The following LASP1 variants were observed in gnomAD, a reference collection of about 807,000 sequenced individuals.
LASP1 encodes the protein LIM and SH3 protein 1, also known as LIM and SH3 domain protein 1.
Under a neutral mutation model 38.6 loss-of-function variants are expected in LASP1, and 10 were observed. That is an observed-to-expected ratio of 0.26 (90% CI 0.16 to 0.44). The LOEUF is 0.44. Among genes scored for constraint, LASP1 ranks in the 20% least tolerant of loss-of-function variants. LASP1 has a pLI of 1.00. For missense variants in LASP1, 243 were observed against 375.7 expected, an observed-to-expected ratio of 0.65 and a Z score of 2.92; for synonymous variants, 132 against 140.8, an observed-to-expected ratio of 0.94 and a Z score of 0.44.
At chr17:38,888,329 A>T (rs1200642832) in intron 2 of LASP1, among the ~76,000 whole-genome samples, 1 of 151,482 alleles carries the variant, frequency 6.6e-6, no homozygotes, top group Non-Finnish European at 1.5e-5. Flanking sequence ...CCCAGACTAG[A>T]GTACAGTGGC....
chr17:38,870,347 T>A (rs1171576998), intron 1 of LASP1, 89 bp downstream of exon 1: 1 of 1,420,884 alleles, frequency 7.0e-7, no homozygotes, highest in African/African-American at 1.4e-5. Context: ...TTTGCCGCCT[T>A]ATCCCCGCGA....
chr17:38,889,200 G>T (rs1355421321), intron 2 of LASP1, among the ~76,000 whole-genome samples: 2 of 152,058 alleles, frequency 1.3e-5, no homozygotes, highest in Admixed American at 1.3e-4. Context: ...GCAGGATCTT[G>T]GCTCAGTGCA....
intron 1 of LASP1, chr17:38,874,223 G>A (rs1325286126): frequency 6.6e-6 from 1 of 152,448 alleles, no homozygotes; most frequent in Non-Finnish European, 1.5e-5. Context: ...CTGAGGCCCA[G>A]GAATGCTTCG....
rs762918588 is a variant in LASP1 at position 38,914,395 on chromosome 17, G to A, written c.428G>A (p.Arg143His). The A allele has an allele frequency of 7.4e-6, 12 of 1,612,018 alleles. No individual in the cohort carries two copies. The highest frequency in any genetic ancestry group is 2.2e-4 in the Middle Eastern group (1 of 4,638). ...GGGGGCGAGGGCATGGAGCCAGAGC[G>A]TCGGGATTCACAGGACGGCAGCAGC... ...PSGGEGMEPE[R>H]RDSQDGSSYR... The change falls in exon 5 of 7, where the codon CGT becomes CAT. Residue 143 changes from arginine to histidine, a missense_variant. Arg to His is a conservative substitution (Grantham distance 29). This residue lies in a region of LASP1 where 165 missense variants were observed against 210.3 expected (regional missense o/e 0.78). Transcript: ENST00000318008.
chr17:38,904,598 TAA>T (rs58725693), intron 4 of LASP1: 5 of 129,592 alleles, frequency 3.9e-5, no homozygotes, highest in African/African-American at 6.0e-5. Context: ...GTCTCAAAAA[TAA>T]AAAAAAAAAA....
At chr17:38,885,374 A>G (rs1914088619) in intron 2 of LASP1, among the ~76,000 whole-genome samples, 1 of 152,168 alleles carries the variant, frequency 6.6e-6, no homozygotes. Context: ...GTCTCTGTAA[A>G]TTGTCCTGAA....
chr17:38,876,176 CT>C (rs899457098), intron 1 of LASP1, among the ~76,000 whole-genome samples: 1,823 of 127,610 alleles, frequency 0.014, 20 homozygotes, highest in African/African-American at 0.052. Context: ...GATCGTTTCT[CT>C]TTTTTTTTTT....
At chr17:38,887,673 G>C (rs988363114) in intron 2 of LASP1, among the ~76,000 whole-genome samples, 4 of 152,148 alleles carry the variant, frequency 2.6e-5, no homozygotes, top group African/African-American at 9.7e-5. Flanking sequence ...ATCTGGATCC[G>C]GGACAGTGAA....
intron 4 of LASP1, among the ~76,000 whole-genome samples, chr17:38,901,432 A>G (rs1914638726): frequency 6.6e-6 from 1 of 152,230 alleles, no homozygotes; most frequent in Admixed American, 6.5e-5. Context: ...CAGCTTTAGC[A>G]GAGACCTGTA....
At chr17:38,890,255 TC>T in intron 2 of LASP1, 164 bp from the exon 3 acceptor site, 1 of 608,298 alleles carries the variant, frequency 1.6e-6, no homozygotes, top group Non-Finnish European at 2.9e-6. Context: ...GAAACGCTTG[TC>T]TCCCCTCGGC....
At chr17:38,903,050 A>T (rs999170070) in intron 4 of LASP1, among the ~76,000 whole-genome samples, 2 of 152,110 alleles carry the variant, frequency 1.3e-5, no homozygotes, top group Admixed American at 6.5e-5. Context: ...AAGAATGAGG[A>T]TATGCTTCCT....
Position 38,898,444 on chromosome 17 carries a change from G to A in LASP1, c.282G>A (p.Lys94=), listed in dbSNP as rs1173511498. 1 of 1,551,542 alleles carries A rather than the reference G, an allele frequency of 6.4e-7. No individual in the cohort carries two copies. Among genetic ancestry groups the A allele is most frequent in the Non-Finnish European group, 8.7e-7 (1 of 1,146,852 alleles). Residue 94 remains lysine (K), a synonymous_variant, in exon 4 of 7, where the codon AAG becomes AAA. Coordinates refer to ENST00000318008, the MANE Select transcript of LASP1 (RefSeq NM_006148.4). The part of the protein sequence containing the change: ...VRYKEEFEKN[K]GKGFSVVADT... Reference sequence around the variant, plus strand: ...ACAAGGAGGAGTTTGAGAAGAACAAGGGCAAAGGTTTCAGCGTAGTGGCAG... The same window carrying A: ...ACAAGGAGGAGTTTGAGAAGAACAAAGGCAAAGGTTTCAGCGTAGTGGCAG...
intron 3 of LASP1, among the ~76,000 whole-genome samples, chr17:38,892,206 A>G (rs1018852980): frequency 6.6e-6 from 1 of 152,180 alleles, no homozygotes; most frequent in Non-Finnish European, 1.5e-5. Context: ...TGTCTTACAG[A>G]TAGGGGAACC....
At chr17:38,880,670 C>T (rs531588059) in intron 2 of LASP1, among the ~76,000 whole-genome samples, 4 of 152,324 alleles carry the variant, frequency 2.6e-5, no homozygotes, top group Admixed American at 2.0e-4. Context: ...CCTCCTCGCC[C>T]AAGGCAGTCA....
At chr17:38,872,324 G>A (rs967534337) in intron 1 of LASP1, among the ~76,000 whole-genome samples, 5 of 152,156 alleles carry the variant, frequency 3.3e-5, no homozygotes, top group South Asian at 2.1e-4. Flanking sequence ...CTTCAGTGCC[G>A]TGTACCCGAG....
chr17:38,892,171 G>A (rs2143772186), intron 3 of LASP1, among the ~76,000 whole-genome samples: 1 of 152,308 alleles, frequency 6.6e-6, no homozygotes, highest in South Asian at 2.1e-4. Flanking sequence ...TGGGTTCTGG[G>A]AGAAGGTAAA....
intron 1 of LASP1, among the ~76,000 whole-genome samples, chr17:38,876,927 T>C (rs1204274212): frequency 6.6e-6 from 1 of 151,606 alleles, no homozygotes; most frequent in Non-Finnish European, 1.5e-5. Context: ...ATGGTCTCGA[T>C]CTCTTGACCT....
In LASP1 at chr17:38,891,618, G is replaced by A. The variant is rs573375260; in HGVS notation, c.249+1114G>A. On this transcript the variant is annotated intron_variant, in intron 3 of 6. Transcript: ENST00000318008. Reference sequence around the variant, plus strand: ...CGATGGAGGGCTCAGTGCTCCCGGCGTGTGAGCTCGTTTAATCCTCACCCA... The same window carrying A: ...CGATGGAGGGCTCAGTGCTCCCGGCATGTGAGCTCGTTTAATCCTCACCCA... 3.3e-5 allele frequency among the ~76,000 whole-genome samples: 5 copies of A among 152,266 alleles called. No individual in the cohort carries two copies. The East Asian group carries it at 5.8e-4, about 18-fold the overall frequency.
intron 4 of LASP1, among the ~76,000 whole-genome samples, chr17:38,908,512 C>T (rs1230455190): frequency 1.3e-5 from 2 of 152,202 alleles, no homozygotes; most frequent in East Asian, 1.9e-4. Context: ...ATGCTGGGGT[C>T]GGTTGGATTT....
Sources: gnomAD v4.1 joint callset for allele counts (sites outside exome capture counted in the v4.1 genomes callset) on GRCh38, gnomAD v4.1.1 for gene constraint, gnomAD v4.1.1 regional missense constraint, MANE v1.5 for transcripts, NCBI Gene and HGNC (gene_info 2026-07-23, HGNC 2026-07-21) for gene names.